LRRC43: variants seen among roughly 807,000 people sequenced by gnomAD.
The protein encoded by LRRC43 is leucine rich repeat containing 43.
Under a neutral mutation model 64.3 loss-of-function variants are expected in LRRC43, and 62 were observed. The observed-to-expected ratio is 0.96, with a 90% confidence interval of 0.79 to 1.19. LRRC43 has a LOEUF of 1.19. Ranked by LOEUF, LRRC43 falls within the 50% of genes most tolerant of loss-of-function variation. The pLI, the probability that LRRC43 is intolerant of heterozygous loss-of-function variation, is 0.00. For missense variants in LRRC43, 868 were observed against 845.0 expected, an observed-to-expected ratio of 1.03 and a Z score of -0.34; for synonymous variants, 422 against 382.3, an observed-to-expected ratio of 1.10 and a Z score of -1.21.
intron 4 of LRRC43, chr12:122,189,318 C>T: frequency 2.3e-6 from 1 of 426,206 alleles, no homozygotes; most frequent in Non-Finnish European, 4.7e-6. Flanking sequence ...GGGTCCAACC[C>T]TCTACATGCC....
intron 1 of LRRC43, among the ~76,000 whole-genome samples, chr12:122,174,954 C>T (rs916414127): frequency 3.3e-5 from 5 of 151,084 alleles, no homozygotes; most frequent in African/African-American, 9.7e-5. Context: ...ATGCCTCAGT[C>T]TCAGCCTCCC....
chr12:122,192,892 G>A lies in LRRC43; in HGVS notation c.1237G>A (p.Glu413Lys), dbSNP rs1282606763. 1 of 1,614,060 alleles carries A rather than the reference G, an allele frequency of 6.2e-7. No homozygotes were observed. Among genetic ancestry groups the A allele is most frequent in the Non-Finnish European group, 8.5e-7 (1 of 1,180,036 alleles). The change falls in exon 7 of 12, where the codon GAG (glutamate) becomes AAG (lysine). Residue 413 changes from glutamate to lysine, a missense_variant. Glu to Lys is a moderately conservative substitution (Grantham distance 56). Transcript: ENST00000339777. ...TGAGGTGGAGGAGTCAGGAGAGTCG[G>A]AGCTGTCTGTCATCTCGGGGCCTTC... is the stretch of plus-strand genomic sequence containing the variant. ...ESEVEESGES[E>K]LSVISGPSTI...
At chr12:122,197,782 T>C (rs569432070) in intron 7 of LRRC43, among the ~76,000 whole-genome samples, 1 of 152,142 alleles carries the variant, frequency 6.6e-6, no homozygotes, top group Non-Finnish European at 1.5e-5. Flanking sequence ...GGAAGATGAC[T>C]GCAGTGGAGA....
In LRRC43 at chr12:122,184,626, C is replaced by A. The variant is rs1170743942; in HGVS notation, c.258C>A (p.Gly86=). The part of the protein sequence containing the change: ...PGEETVEALL[G]LVRSRHSPWA... ...AGGAGACGGTGGAGGCCCTGCTGGGCCTGGTCCGCAGCCGCCACTCCCCCT... is the reference window on the plus strand; with the variant it reads ...AGGAGACGGTGGAGGCCCTGCTGGGACTGGTCCGCAGCCGCCACTCCCCCT... The change falls in exon 2 of 12, where the codon GGC becomes GGA. Residue 86 remains glycine (G), a synonymous_variant. Transcript: ENST00000339777. The surrounding 1 kb of genome is among the most constrained non-coding windows in gnomAD (Gnocchi z 4.0). 3 of 1,613,876 alleles carry A rather than the reference C, an allele frequency of 1.9e-6. No individual in the cohort carries two copies. Among genetic ancestry groups the A allele is most frequent in the Non-Finnish European group, 2.5e-6 (3 of 1,179,862 alleles).
At chr12:122,174,130 C>T (rs1433009966) in intron 1 of LRRC43, 3 of 1,613,976 alleles carry the variant, frequency 1.9e-6, no homozygotes, top group Non-Finnish European at 1.7e-6. Context: ...ATGCCCAAGA[C>T]TCCGGAAGCA....
chr12:122,172,170 T>C, intron 1 of LRRC43: 2 of 445,724 alleles, frequency 4.5e-6, no homozygotes, highest in East Asian at 4.3e-5. Context: ...TAAGTAAGAC[T>C]TAAGCCTGCA....
At chr12:122,199,844 A>G (rs1365220371) in intron 7 of LRRC43, among the ~76,000 whole-genome samples, 2 of 152,082 alleles carry the variant, frequency 1.3e-5, no homozygotes, top group Non-Finnish European at 2.9e-5. Context: ...TCGGCTTCCC[A>G]AAGTGCTGGG....
At chr12:122,188,802 C>T (rs1438394575) in intron 4 of LRRC43, among the ~76,000 whole-genome samples, 1 of 152,212 alleles carries the variant, frequency 6.6e-6, no homozygotes, top group Non-Finnish European at 1.5e-5. Context: ...AACCCCATCA[C>T]CCTTTGATGT....
rs536575691 is a variant in LRRC43, at chr12:122,193,106, C to T, written c.1349+102C>T. On this transcript the variant is annotated intron_variant, in intron 7 of 11. Coordinates refer to ENST00000339777, the MANE Select transcript of LRRC43 (RefSeq NM_001098519.2). ...ATTAAAAGTCCTGAGGCTGGCGGGG[C>T]GCGGTGGCTCACGTCTGTAATCCCG... 135 of 1,287,476 alleles carry T rather than the reference C, an allele frequency of 1.0e-4. No homozygotes were observed. The Admixed American group carries it at 2.4e-3, about 23-fold the overall frequency. 79.8% of individuals were successfully genotyped at this position (1,287,476 alleles called of 1,614,324 possible).
intron 7 of LRRC43, among the ~76,000 whole-genome samples, chr12:122,198,623 C>CTTTTTTTTTT (rs1012460173): frequency 7.0e-5 from 7 of 100,494 alleles, no homozygotes; most frequent in African/African-American, 3.3e-4. Context: ...TGCTTCATTC[C>CTTTTTTTTTT]TTTTTTTTTT....
chr12:122,175,335 A>T, intron 1 of LRRC43, among the ~76,000 whole-genome samples: 1 of 151,266 alleles, frequency 6.6e-6, no homozygotes. Context: ...ACGCACAGCT[A>T]ATTTTTGTAT....
intron 1 of LRRC43, among the ~76,000 whole-genome samples, chr12:122,173,683 C>G (rs907553468): frequency 1.0e-5 from 1 of 98,516 alleles, no homozygotes; most frequent in East Asian, 2.8e-4. Flanking sequence ...GACTCTGTCT[C>G]AAAAAAAAAA....
Position 122,200,034 on chromosome 12 carries a change from T to C in LRRC43, c.1350-155T>C, listed in dbSNP as rs1195599443. Among the ~76,000 whole-genome samples, 1 of 152,224 alleles carries C rather than the reference T, an allele frequency of 6.6e-6. No individual in the cohort carries two copies. The highest frequency in any genetic ancestry group is 2.4e-5 in the African/African-American group (1 of 41,460). ...CACCTTTCTGGCCTTCTGGTCCCCT[T>C]GCCCTGCCTGGTGGCAGCCGGACCT... On this transcript the variant is annotated intron_variant, in intron 7 of 11. Transcript: ENST00000339777. The surrounding 1 kb of genome is among the most constrained non-coding windows in gnomAD (Gnocchi z 4.6).
chr12:122,190,439 T>C lies in LRRC43; in HGVS notation c.901+71T>C. ...GCCTGCGCCTGGCTGTGCCCCGCCC[T>C]CCTGGGTCCGTGTACCCGTCTGTCC... On this transcript the variant is annotated intron_variant, in intron 5 of 11. Coordinates refer to ENST00000339777, the MANE Select transcript of LRRC43 (RefSeq NM_001098519.2). 3.9e-6 allele frequency: 5 copies of C among 1,270,886 alleles called. No individual in the cohort carries two copies. The South Asian group carries it at 5.2e-5, about 13-fold the overall frequency. 78.7% of individuals were successfully genotyped at this position (1,270,886 alleles called of 1,614,324 possible).
In LRRC43 at chr12:122,200,593, A is replaced by T; in HGVS notation, c.1553A>T (p.Lys518Met). 6.2e-7 allele frequency: 1 copy of T among 1,613,830 alleles called. No individual in the cohort carries two copies. ...VDSPLSAKKG[K>M]GEKDKKGKEK... ...AGTCCCCTGTCTGCCAAGAAAGGAA[A>T]GGGGGAGAAAGACAAGAAAGGGAAG... The change falls in exon 9 of 12, where the codon AAG becomes ATG. Residue 518 changes from lysine (K) to methionine (M), a missense_variant. Lys to Met is a moderately conservative substitution (Grantham distance 95). Transcript: ENST00000339777. The surrounding 1 kb of genome is among the most constrained non-coding windows in gnomAD (Gnocchi z 4.6).
rs1015210884 is a variant in LRRC43 at position 122,184,998 on chromosome 12, C to T, written c.411+219C>T. On this transcript the variant is annotated intron_variant, in intron 2 of 11. Coordinates refer to ENST00000339777, the MANE Select transcript of LRRC43 (RefSeq NM_001098519.2). This position sits in a 1 kb window ranked among gnomAD's most constrained non-coding sequence, Gnocchi z 4.0. ...TTTCTTCTTCCTTTACCCCTGGAAG[C>T]CATCATGGCACAGCTTCCACCCCTG... Among the ~76,000 whole-genome samples the T allele has an allele frequency of 2.0e-5, 3 of 152,212 alleles. No homozygotes were observed. The highest frequency in any genetic ancestry group is 1.9e-4 in the East Asian group (1 of 5,198).
intron 1 of LRRC43, among the ~76,000 whole-genome samples, chr12:122,176,345 G>A (rs1953536818): frequency 6.6e-6 from 1 of 152,174 alleles, no homozygotes; most frequent in South Asian, 2.1e-4. Flanking sequence ...GGCAGCCACA[G>A]TGACGCGAGA....
At chr12:122,181,101 C>T (rs1953576903), upstream of LRRC43, among the ~76,000 whole-genome samples, 2 of 151,678 alleles carry the variant, frequency 1.3e-5, no homozygotes, top group African/African-American at 4.8e-5. Context: ...GCCTGTAGTC[C>T]CAGCCACTCA....
intron 7 of LRRC43, among the ~76,000 whole-genome samples, chr12:122,194,079 G>T (rs1346861388): frequency 6.6e-6 from 1 of 151,998 alleles, no homozygotes; most frequent in Non-Finnish European, 1.5e-5. Context: ...TATGAAGATT[G>T]TAGAGTAATT....
Sources: gnomAD v4.1 joint callset for allele counts (sites outside exome capture counted in the v4.1 genomes callset) on GRCh38, gnomAD v4.1.1 for gene constraint, Gnocchi (gnomAD v3.1) non-coding constraint, MANE v1.5 for transcripts, NCBI Gene and HGNC (gene_info 2026-07-23, HGNC 2026-07-21) for gene names.